The following GAB3 variants were observed in gnomAD, a reference collection of about 807,000 sequenced individuals.
The protein encoded by GAB3 is GRB2-associated-binding protein 3.
Under a neutral mutation model 40.4 loss-of-function variants are expected in GAB3, and 12 were observed. That is an observed-to-expected ratio of 0.30 (90% confidence interval 0.19 to 0.48). GAB3 has a LOEUF of 0.48. Ranked by LOEUF, GAB3 falls within the 20% of genes least tolerant of loss-of-function variation. The pLI is 0.99. For synonymous variants in GAB3, 154 were observed against 176.7 expected, an observed-to-expected ratio of 0.87 and a Z score of 1.02; for missense variants, 381 against 461.9, an observed-to-expected ratio of 0.82 and a Z score of 1.61.
chrX:154,731,466 A>G (rs2071289611), intron 1 of GAB3, among the ~76,000 whole-genome samples: 1 of 112,056 alleles, frequency 8.9e-6, no homozygotes, highest in African/African-American at 3.3e-5. Context: ...AAACATTAAG[A>G]ATAACTCCAA....
At chrX:154,706,921 GAAAA>G (rs35585683) in intron 4 of GAB3, among the ~76,000 whole-genome samples, 1 of 85,720 alleles carries the variant, frequency 1.2e-5, no homozygotes. Flanking sequence ...CCTTGTTTCT[GAAAA>G]AAAAAAAAAA....
chrX:154,738,930 T>C (rs782502516), intron 1 of GAB3, among the ~76,000 whole-genome samples: 9 of 111,947 alleles, frequency 8.0e-5, no homozygotes, highest in Non-Finnish European at 7.5e-5. Context: ...ACTCCAGTTA[T>C]AGAAGCAAGA....
intron 8 of GAB3, among the ~76,000 whole-genome samples, chrX:154,682,228 GTAAT>G (rs782198687): frequency 2.7e-5 from 3 of 111,503 alleles, no homozygotes; most frequent in African/African-American, 9.8e-5. Flanking sequence ...TTTATTAATT[GTAAT>G]TATTTATTTT....
intron 4 of GAB3, among the ~76,000 whole-genome samples, chrX:154,706,025 G>C (rs938350850): frequency 4.0e-4 from 45 of 111,825 alleles, no homozygotes; most frequent in African/African-American, 1.5e-3. Context: ...TAAATTTAAT[G>C]AAAGAGGTGA....
At chrX:154,685,878 T>A (rs187276954) in intron 8 of GAB3, among the ~76,000 whole-genome samples, 1 of 111,917 alleles carries the variant, frequency 8.9e-6, no homozygotes, top group Admixed American at 9.5e-5. Flanking sequence ...AAAATGAGTC[T>A]TGACCCCTAT....
intron 9 of GAB3, among the ~76,000 whole-genome samples, chrX:154,679,640 A>C: frequency 8.9e-6 from 1 of 111,849 alleles, no homozygotes; most frequent in Non-Finnish European, 1.9e-5. Context: ...TCCTCACAAC[A>C]GCCCTTGACA....
intron 1 of GAB3, among the ~76,000 whole-genome samples, chrX:154,730,030 G>A (rs2071269948): frequency 8.9e-6 from 1 of 112,345 alleles, no homozygotes; most frequent in Admixed American, 9.4e-5. Context: ...CTCCTGCCAC[G>A]CTCTGCAGTT....
intron 1 of GAB3, among the ~76,000 whole-genome samples, chrX:154,734,998 T>C (rs1006773962): frequency 4.0e-5 from 3 of 75,274 alleles, no homozygotes; most frequent in African/African-American, 1.5e-4. Flanking sequence ...CTATGAGACG[T>C]TAAGATAAAT....
intron 1 of GAB3, among the ~76,000 whole-genome samples, chrX:154,738,017 A>C (rs2071387752): frequency 8.9e-6 from 1 of 112,403 alleles, no homozygotes; most frequent in Admixed American, 9.4e-5. Context: ...TCAATTACAA[A>C]AATAAATAAA....
intron 1 of GAB3, 78 bp downstream of exon 1, chrX:154,750,876 C>T (rs2071603938): frequency 7.6e-6 from 5 of 655,081 alleles, no homozygotes; most frequent in Non-Finnish European, 9.1e-6. Flanking sequence ...GCCCGGAGCC[C>T]AGCGGCTCCC....
chrX:154,676,238 T>G lies in GAB3; in HGVS notation c.*1940A>C, dbSNP rs2070294796. ...CTATTCTTTTCTATCTCCAATCTGG[T>G]GTGGTTCTTGACACTTGGGCCTACA... is the stretch of plus-strand genomic sequence containing the variant. On this transcript the variant is annotated 3_prime_UTR_variant, in exon 10 of 10. Coordinates refer to ENST00000424127, the MANE Select transcript of GAB3 (RefSeq NM_001081573.3). 8.9e-6 allele frequency: 1 copy of G among 112,232 alleles called. No individual in the cohort carries two copies. The highest frequency in any genetic ancestry group is 3.8e-4 in the South Asian group (1 of 2,662). 9.2% of individuals were successfully genotyped at this position (112,232 alleles called of 1,213,427 possible).
chrX:154,697,817 T>A (rs2070684899), intron 6 of GAB3, among the ~76,000 whole-genome samples: 1 of 112,345 alleles, frequency 8.9e-6, no homozygotes, highest in South Asian at 3.7e-4. Context: ...TCCAGGAGAA[T>A]AGGGGTGTAT....
chrX:154,729,474 C>A lies in GAB3; in HGVS notation c.73-13145G>T, dbSNP rs782009035. Among the ~76,000 whole-genome samples the A allele has an allele frequency of 6.3e-5, 7 of 111,367 alleles. No homozygotes were observed. The South Asian group carries it at 2.3e-3, about 36-fold the overall frequency. On this transcript the variant is annotated intron_variant, in intron 1 of 9. Coordinates refer to ENST00000424127, the MANE Select transcript of GAB3 (RefSeq NM_001081573.3). ...TTAATGAGTGCCACCTGGATGAGTT[C>A]GTAACTGCCAGAGGTTTGGAGTGAC...
At chrX:154,712,185 G>T in intron 4 of GAB3, 44 bp downstream of exon 4, 1 of 994,681 alleles carries the variant, frequency 1.0e-6, no homozygotes, top group Non-Finnish European at 1.4e-6. Flanking sequence ...GTGAAGAGGA[G>T]CCCGGGTTTT....
At position 154,699,530 on chromosome X, in the gene GAB3, A is replaced by G; in HGVS notation, c.1126-17T>C. 7 of 1,182,936 alleles carry G rather than the reference A, an allele frequency of 5.9e-6. No homozygotes were observed. The highest frequency in any genetic ancestry group is 8.0e-6 in the Non-Finnish European group (7 of 872,786). The stretch of plus-strand genomic sequence containing the variant: ...CCTGCATGGCTGCAAAAGAATAGAT[A>G]CAGATTGGGAACCACAGACCAGTCA... On this transcript the variant is annotated splice_polypyrimidine_tract_variant and intron_variant, in intron 5 of 9. Transcript: ENST00000424127.
chrX:154,736,433 C>T (rs1384470399), intron 1 of GAB3, among the ~76,000 whole-genome samples: 1 of 112,391 alleles, frequency 8.9e-6, no homozygotes, highest in Non-Finnish European at 1.9e-5. Context: ...TACAATAATA[C>T]CACCTAGGAA....
chrX:154,735,684 G>A (rs2071355877), intron 1 of GAB3, among the ~76,000 whole-genome samples: 1 of 112,030 alleles, frequency 8.9e-6, no homozygotes, highest in Admixed American at 9.4e-5. Flanking sequence ...TTCTGCCCTG[G>A]CCCCTACAGC....
chrX:154,699,957 GT>G, intron 5 of GAB3, 46 bp downstream of exon 5: 10 of 1,068,197 alleles, frequency 9.4e-6, no homozygotes, highest in Non-Finnish European at 1.3e-5. Flanking sequence ...AGATCAAGCT[GT>G]TTTTGGTAAA....
In GAB3 at chrX:154,699,976, C is replaced by A. The variant is rs367583892; in HGVS notation, c.1125+28G>T. 1.6e-4 allele frequency: 188 copies of A among 1,172,171 alleles called. 2 individuals are homozygous for A. In the South Asian group the frequency reaches 3.3e-3, roughly 20 times the overall value. On this transcript the variant is annotated intron_variant, in intron 5 of 9. Coordinates refer to ENST00000424127, the MANE Select transcript of GAB3 (RefSeq NM_001081573.3). ...CAAGCTGTTTTTGGTAAAATTGATGCTTAAAAGAACCTGAATGTTGAACTT... is the reference window on the plus strand; with the variant it reads ...CAAGCTGTTTTTGGTAAAATTGATGATTAAAAGAACCTGAATGTTGAACTT...
Sources: gnomAD v4.1 joint callset for allele counts (sites outside exome capture counted in the v4.1 genomes callset) on GRCh38, gnomAD v4.1.1 for gene constraint, MANE v1.5 for transcripts, NCBI Gene and HGNC (gene_info 2026-07-23, HGNC 2026-07-21) for gene names.